The following MSRA variants were observed in gnomAD, a reference collection of about 807,000 sequenced individuals.
MSRA encodes the protein methionine sulfoxide reductase A, also known as mitochondrial peptide methionine sulfoxide reductase.
In MSRA, 54 loss-of-function variants were observed where a neutral mutation model predicts 31.3. The ratio of observed to expected loss-of-function variants is 1.73; its 90% CI spans 1.39 to 2.17. The LOEUF is 2.17. Ranked by LOEUF, MSRA falls within the 30% of genes most tolerant of loss-of-function variation. The pLI is 0.00. For synonymous variants in MSRA, 169 were observed against 116.5 expected (o/e 1.45, Z -2.90); for missense variants, 507 against 300.9 (o/e 1.69, Z -5.07).
intron 1 of MSRA, among the ~76,000 whole-genome samples, chr8:10,167,136 C>A (rs553614987): frequency 1.8e-4 from 27 of 152,162 alleles, no homozygotes; most frequent in Non-Finnish European, 3.2e-4. Context: ...TCCCCAGGTC[C>A]CCTCTCCCAT....
At chr8:10,322,524 G>A (rs1802102955) in intron 5 of MSRA, among the ~76,000 whole-genome samples, 1 of 152,168 alleles carries the variant, frequency 6.6e-6, no homozygotes, top group Non-Finnish European at 1.5e-5. Flanking sequence ...AGGCAGATTT[G>A]TGGGGAAGGT....
At chr8:10,132,440 G>T (rs1801963918) in intron 1 of MSRA, among the ~76,000 whole-genome samples, 2 of 152,166 alleles carry the variant, frequency 1.3e-5, no homozygotes, top group Non-Finnish European at 2.9e-5. Context: ...CATACCGTAG[G>T]CTGGGTGGCT....
intron 1 of MSRA, among the ~76,000 whole-genome samples, chr8:10,139,039 T>G (rs1802494085): frequency 6.6e-6 from 1 of 152,178 alleles, no homozygotes. Context: ...TTTTGAGATC[T>G]AAGATTCTGT....
chr8:10,268,270 C>G (rs548278083), intron 3 of MSRA, among the ~76,000 whole-genome samples: 1 of 152,280 alleles, frequency 6.6e-6, no homozygotes, highest in South Asian at 2.1e-4. Flanking sequence ...AATGGGAACG[C>G]TTCTTTCTCA....
At chr8:10,222,902 A>T (rs573808850) in intron 2 of MSRA, among the ~76,000 whole-genome samples, 2 of 152,338 alleles carry the variant, frequency 1.3e-5, no homozygotes, top group South Asian at 4.1e-4. Flanking sequence ...GATCTTGGTG[A>T]CTATAGTTAA....
chr8:10,427,994 C>A (rs1449120785), intron 5 of MSRA, among the ~76,000 whole-genome samples, 154 bp from the exon 6 acceptor site: 1 of 152,206 alleles, frequency 6.6e-6, no homozygotes, highest in Non-Finnish European at 1.5e-5. Context: ...CAGCGTCACT[C>A]CACTTGGAAT....
At chr8:10,067,358 T>A (rs1797507346) in intron 1 of MSRA, among the ~76,000 whole-genome samples, 1 of 152,252 alleles carries the variant, frequency 6.6e-6, no homozygotes, top group South Asian at 2.1e-4. Flanking sequence ...ATAGCCAAAT[T>A]TCTTTTTATT....
At chr8:10,283,003 A>G (rs555781300) in intron 3 of MSRA, among the ~76,000 whole-genome samples, 92 of 148,454 alleles carry the variant, frequency 6.2e-4, no homozygotes, top group African/African-American at 2.3e-3. Flanking sequence ...GCTTTTGAAG[A>G]TTAAAGAGAT....
chr8:10,138,336 C>T (rs940118259), intron 1 of MSRA, among the ~76,000 whole-genome samples: 13 of 152,108 alleles, frequency 8.5e-5, no homozygotes, highest in East Asian at 5.8e-4. Flanking sequence ...GTGGGAGCCG[C>T]GGGACACGGT....
intron 3 of MSRA, 92 bp downstream of exon 3, chr8:10,245,315 G>GT: frequency 2.5e-6 from 3 of 1,216,780 alleles, no homozygotes; most frequent in East Asian, 4.8e-5. Context: ...ATGGAAATAT[G>GT]TTTTTTTAAA....
chr8:10,201,269 C>A (rs1045180168), intron 1 of MSRA, among the ~76,000 whole-genome samples: 4 of 151,988 alleles, frequency 2.6e-5, no homozygotes, highest in South Asian at 4.2e-4. Context: ...CAGGAGCATG[C>A]GGTATGGGTT....
At chr8:10,072,329 A>G (rs954520934) in intron 1 of MSRA, among the ~76,000 whole-genome samples, 4 of 148,936 alleles carry the variant, frequency 2.7e-5, no homozygotes, top group Admixed American at 2.7e-4. Flanking sequence ...TTGTCTATGG[A>G]TGAATATTCA....
At chr8:10,284,907 C>T (rs997962361) in intron 3 of MSRA, among the ~76,000 whole-genome samples, 2 of 151,996 alleles carry the variant, frequency 1.3e-5, no homozygotes, top group Admixed American at 6.6e-5. Context: ...CTATTATTAT[C>T]AAATGATCTC....
intron 1 of MSRA, among the ~76,000 whole-genome samples, chr8:10,085,365 C>G (rs1798508141): frequency 6.6e-6 from 1 of 152,184 alleles, no homozygotes; most frequent in African/African-American, 2.4e-5. Context: ...CTTCTTCCTC[C>G]AAACTTTGTC....
At chr8:10,163,833 G>A (rs935822645) in intron 1 of MSRA, among the ~76,000 whole-genome samples, 4 of 152,230 alleles carry the variant, frequency 2.6e-5, no homozygotes, top group Admixed American at 1.3e-4. Flanking sequence ...TGTGGCAGAC[G>A]AGGGCACAGA....
intron 1 of MSRA, among the ~76,000 whole-genome samples, chr8:10,199,430 C>T (rs1563209686): frequency 1.3e-5 from 2 of 152,220 alleles, no homozygotes; most frequent in Non-Finnish European, 2.9e-5. Flanking sequence ...AGTGATTCTC[C>T]TGCCTCAGCC....
intron 3 of MSRA, among the ~76,000 whole-genome samples, chr8:10,265,712 C>A (rs1031185661): frequency 6.6e-6 from 1 of 152,196 alleles, no homozygotes; most frequent in Non-Finnish European, 1.5e-5. Context: ...ATGAGCAGAT[C>A]CATTCCCCAA....
intron 3 of MSRA, among the ~76,000 whole-genome samples, chr8:10,260,162 G>A (rs888079872): frequency 6.6e-6 from 1 of 152,198 alleles, no homozygotes; most frequent in Non-Finnish European, 1.5e-5. Context: ...AGAAATGAGC[G>A]GCTGTGTGTG....
chr8:10,271,278 T>C (rs1478899434), intron 3 of MSRA, among the ~76,000 whole-genome samples: 2 of 152,054 alleles, frequency 1.3e-5, no homozygotes, highest in African/African-American at 4.8e-5. Flanking sequence ...ATACCTACCA[T>C]GGGGAAGCAA....
Sources: allele counts gnomAD v4.1 joint callset (sites outside exome capture counted in the v4.1 genomes callset), GRCh38; gene constraint gnomAD v4.1.1; transcripts MANE v1.5; gene names NCBI Gene and HGNC (gene_info 2026-07-23, HGNC 2026-07-21).